The following CDH8 variants were observed in gnomAD, a reference collection of about 807,000 sequenced individuals.
The protein encoded by CDH8 is cadherin-8.
Under a neutral mutation model 68.1 loss-of-function variants are expected in CDH8, and 17 were observed. The observed-to-expected ratio is 0.25, with a 90% CI of 0.17 to 0.37. The LOEUF (loss-of-function observed/expected upper bound fraction) is 0.37. CDH8 is among the 10% of genes least tolerant of loss of function. The pLI, the probability that CDH8 is intolerant of heterozygous loss-of-function variation, is 1.00. For synonymous variants in CDH8, 372 were observed against 365.1 expected, an observed-to-expected ratio of 1.02 and a Z score of -0.21; for missense variants, 763 against 999.3, an observed-to-expected ratio of 0.76 and a Z score of 3.19.
At chr16:61,858,208 T>C (rs576042822) in intron 3 of CDH8, among the ~76,000 whole-genome samples, 4 of 152,248 alleles carry the variant, frequency 2.6e-5, no homozygotes, top group South Asian at 4.1e-4. Flanking sequence ...GCACCAATTA[T>C]GGATCTCTCA....
chr16:61,822,395 A>T (rs971330473), intron 5 of CDH8, among the ~76,000 whole-genome samples: 1 of 151,276 alleles, frequency 6.6e-6, no homozygotes, highest in African/African-American at 2.4e-5. Flanking sequence ...CTCTCCTTGC[A>T]ACCACAACAA....
At chr16:61,966,528 C>T (rs1299395680) in intron 2 of CDH8, among the ~76,000 whole-genome samples, 4 of 151,448 alleles carry the variant, frequency 2.6e-5, no homozygotes, top group African/African-American at 7.3e-5. Context: ...CGGAGCAAGA[C>T]TCCATCTCAA....
intron 8 of CDH8, among the ~76,000 whole-genome samples, chr16:61,781,424 T>C (rs1019003107): frequency 6.6e-6 from 1 of 151,762 alleles, no homozygotes; most frequent in Non-Finnish European, 1.5e-5. Flanking sequence ...GAGACCCTGT[T>C]TCTAAAAAAA....
At chr16:61,745,265 T>G (rs929745797) in intron 8 of CDH8, among the ~76,000 whole-genome samples, 7 of 151,904 alleles carry the variant, frequency 4.6e-5, no homozygotes, top group Non-Finnish European at 1.0e-4. Context: ...AGACCTTAAT[T>G]TTTTGGGTTA....
At chr16:61,750,795 G>C (rs914044376) in intron 8 of CDH8, among the ~76,000 whole-genome samples, 1 of 152,038 alleles carries the variant, frequency 6.6e-6, no homozygotes, top group Non-Finnish European at 1.5e-5. Context: ...AAGCTATTCA[G>C]AATTTCATAA....
chr16:61,930,270 A>AACACACAC (rs369686237), intron 2 of CDH8, among the ~76,000 whole-genome samples: 2,551 of 144,332 alleles, frequency 0.018, 65 homozygotes, highest in African/African-American at 0.058. Context: ...AAAGTTAGAA[A>AACACACAC]ACACACACAC....
intron 2 of CDH8, among the ~76,000 whole-genome samples, chr16:61,937,761 G>A (rs960455174): frequency 1.1e-4 from 16 of 152,256 alleles, no homozygotes; most frequent in African/African-American, 3.9e-4. Flanking sequence ...TCTATGAAGT[G>A]AACTGCTTGC....
At chr16:61,847,850 T>C (rs1473692893) in intron 4 of CDH8, among the ~76,000 whole-genome samples, 1 of 151,494 alleles carries the variant, frequency 6.6e-6, no homozygotes, top group African/African-American at 2.4e-5. Flanking sequence ...TCAATCAATC[T>C]GTCTGTCTGT....
At chr16:61,869,161 T>G (rs190416717) in intron 3 of CDH8, among the ~76,000 whole-genome samples, 1 of 152,178 alleles carries the variant, frequency 6.6e-6, no homozygotes, top group African/African-American at 2.4e-5. Flanking sequence ...TAGTCCCTTC[T>G]TCTCACACTA....
At chr16:61,724,449 T>C (rs571660889) in intron 9 of CDH8, among the ~76,000 whole-genome samples, 1 of 150,808 alleles carries the variant, frequency 6.6e-6, no homozygotes, top group South Asian at 2.1e-4. Flanking sequence ...AAAACCTCTT[T>C]ACATAGGCCC....
At chr16:61,659,362 T>G (rs991391957) in intron 10 of CDH8, among the ~76,000 whole-genome samples, 1 of 152,090 alleles carries the variant, frequency 6.6e-6, no homozygotes, top group African/African-American at 2.4e-5. Context: ...GGTAGAAACT[T>G]TACTCCAAAC....
chr16:61,838,490 G>A (rs1962614766), intron 4 of CDH8, among the ~76,000 whole-genome samples: 1 of 152,076 alleles, frequency 6.6e-6, no homozygotes, highest in African/African-American at 2.4e-5. Flanking sequence ...ATTCTCTGCA[G>A]CAAAGATACC....
chr16:61,678,066 C>T (rs150668600), intron 10 of CDH8, among the ~76,000 whole-genome samples: 2 of 151,976 alleles, frequency 1.3e-5, no homozygotes, highest in African/African-American at 2.4e-5. Flanking sequence ...TGTTAATAAC[C>T]CTTTCATCCA....
chr16:61,788,655 T>A (rs971549015), intron 8 of CDH8, among the ~76,000 whole-genome samples: 1 of 151,988 alleles, frequency 6.6e-6, no homozygotes, highest in African/African-American at 2.4e-5. Context: ...AGAGACTCCA[T>A]TATAGTTTTA....
At chr16:61,942,438 A>C (rs970003362) in intron 2 of CDH8, among the ~76,000 whole-genome samples, 28 of 152,340 alleles carry the variant, frequency 1.8e-4, no homozygotes, top group Non-Finnish European at 3.2e-4. Flanking sequence ...TGCAGGTTAC[A>C]GTGAGCTGTA....
intron 7 of CDH8, among the ~76,000 whole-genome samples, chr16:61,798,067 G>A (rs530864026): frequency 1.1e-4 from 17 of 152,142 alleles, no homozygotes; most frequent in African/African-American, 3.9e-4. Context: ...CATTCAGTTT[G>A]ACTCATGATC....
intron 2 of CDH8, among the ~76,000 whole-genome samples, chr16:61,959,872 T>G (rs1965058990): frequency 1.4e-5 from 2 of 147,320 alleles, no homozygotes; most frequent in East Asian, 4.1e-4. Flanking sequence ...TGTGTGCATA[T>G]ATATGTGTAT....
At chr16:61,794,744 C>A (rs1961458440) in intron 7 of CDH8, among the ~76,000 whole-genome samples, 1 of 151,998 alleles carries the variant, frequency 6.6e-6, no homozygotes, top group Non-Finnish European at 1.5e-5. Flanking sequence ...ATTTCTGGTA[C>A]CAGTATTTTT....
At chr16:61,978,578 G>A (rs1271547054) in intron 2 of CDH8, among the ~76,000 whole-genome samples, 2 of 152,006 alleles carry the variant, frequency 1.3e-5, no homozygotes, top group African/African-American at 4.8e-5. Flanking sequence ...ATTCAAGTTT[G>A]ACTATTGGCC....
Sources: allele counts gnomAD v4.1 joint callset (sites outside exome capture counted in the v4.1 genomes callset), GRCh38; gene constraint gnomAD v4.1.1; transcripts MANE v1.5; gene names NCBI Gene and HGNC (gene_info 2026-07-23, HGNC 2026-07-21).